SORCS1: variants seen among roughly 807,000 people sequenced by gnomAD.
SORCS1 encodes VPS10 domain-containing receptor SorCS1.
In SORCS1, 60 loss-of-function variants were observed where a neutral mutation model predicts 146.1. The ratio of observed to expected loss-of-function variants is 0.41; its 90% CI spans 0.33 to 0.51. The LOEUF (loss-of-function observed/expected upper bound fraction) is 0.51. SORCS1 is among the 20% of genes least tolerant of loss of function. The pLI is 0.21. For synonymous variants in SORCS1, 637 were observed against 584.0 expected, an observed-to-expected ratio of 1.09 and a Z score of -1.31; for missense variants, 1,352 against 1,487.6, an observed-to-expected ratio of 0.91 and a Z score of 1.50.
chr10:107,116,448 A>G lies in SORCS1; in HGVS notation c.558+47521T>C, dbSNP rs368998603. 4.6e-5 allele frequency among the ~76,000 whole-genome samples: 7 copies of G among 152,168 alleles called. No individual in the cohort carries two copies. The South Asian group carries it at 1.4e-3, about 31-fold the overall frequency. ...AATGTATTATACATAATGTACACAC[A>G]CACATACATACGTACATACACAAGC... On this transcript the variant is annotated intron_variant, in intron 1 of 25. Coordinates refer to ENST00000263054, the MANE Select transcript of SORCS1 (RefSeq NM_052918.5).
intron 3 of SORCS1, among the ~76,000 whole-genome samples, chr10:106,779,225 A>T (rs1425493706): frequency 2.0e-5 from 3 of 152,194 alleles, no homozygotes; most frequent in African/African-American, 7.2e-5. Context: ...GGGAAATAGA[A>T]ATTTCCCGGT....
chr10:106,879,396 T>C (rs1950729507), intron 2 of SORCS1, among the ~76,000 whole-genome samples: 1 of 152,214 alleles, frequency 6.6e-6, no homozygotes, highest in Non-Finnish European at 1.5e-5. Context: ...TATCTCTACA[T>C]TGTATTACAG....
chr10:106,699,489 G>T, intron 8 of SORCS1, 96 bp from the exon 9 acceptor site: 2 of 1,064,318 alleles, frequency 1.9e-6, no homozygotes, highest in Non-Finnish European at 2.6e-6. Flanking sequence ...AGGAATACCA[G>T]AATGAGCACT....
intron 1 of SORCS1, among the ~76,000 whole-genome samples, chr10:107,117,150 C>T (rs1055552046): frequency 6.6e-6 from 1 of 152,006 alleles, no homozygotes; most frequent in African/African-American, 2.4e-5. Context: ...AAAAGCATGG[C>T]CAATTGCCTA....
At chr10:107,038,696 C>CGGGGGGGGGGGGGGGG (rs58516423) in intron 1 of SORCS1, among the ~76,000 whole-genome samples, 1 of 149,886 alleles carries the variant, frequency 6.7e-6, no homozygotes, top group African/African-American at 2.5e-5. Context: ...GGGCAGGGGG[C>CGGGGGGGGGGGGGGGG]GGGGGGGGAG....
At chr10:106,958,794 G>T (rs74152280) in intron 1 of SORCS1, among the ~76,000 whole-genome samples, 1 of 152,126 alleles carries the variant, frequency 6.6e-6, no homozygotes, top group Non-Finnish European at 1.5e-5. Flanking sequence ...CAATTAAGTC[G>T]CTCTCAGTGC....
At chr10:106,995,174 C>T (rs1232347865) in intron 1 of SORCS1, among the ~76,000 whole-genome samples, 3 of 151,838 alleles carry the variant, frequency 2.0e-5, no homozygotes, top group African/African-American at 4.8e-5. Flanking sequence ...ATTAGCTGGG[C>T]GTGGTGGCGG....
At chr10:106,585,398 T>G (rs1845169696) in intron 24 of SORCS1, among the ~76,000 whole-genome samples, 1 of 152,132 alleles carries the variant, frequency 6.6e-6, no homozygotes, top group African/African-American at 2.4e-5. Context: ...GACTTTTATA[T>G]TTTCTGGATC....
At chr10:106,850,322 A>G (rs1338370273) in intron 2 of SORCS1, among the ~76,000 whole-genome samples, 2 of 151,950 alleles carry the variant, frequency 1.3e-5, no homozygotes, top group African/African-American at 4.8e-5. Flanking sequence ...GAAAAGCGCA[A>G]TATTCGGGTG....
In SORCS1 at chr10:107,018,210, C is replaced by T. The variant is rs543428697; in HGVS notation, c.559-61630G>A. Among the ~76,000 whole-genome samples, 6 of 151,578 alleles carry T rather than the reference C, an allele frequency of 4.0e-5. No individual in the cohort carries two copies. In the East Asian group the frequency reaches 7.8e-4, roughly 20 times the overall value. On this transcript the variant is annotated intron_variant, in intron 1 of 25. Coordinates refer to ENST00000263054, the MANE Select transcript of SORCS1 (RefSeq NM_052918.5). ...TTTTTTCGGAGACGGAGTCCCGCTC[C>T]GTCGCCCAGGCTGGAGTGCAGTGGC...
At chr10:106,889,715 C>T (rs777810766) in intron 2 of SORCS1, among the ~76,000 whole-genome samples, 11 of 151,904 alleles carry the variant, frequency 7.2e-5, no homozygotes, top group Admixed American at 2.6e-4. Flanking sequence ...CTTGCTAACA[C>T]GGTAAAACCC....
chr10:106,809,058 A>G lies in SORCS1; in HGVS notation c.726+20516T>C, dbSNP rs746198023. Among the ~76,000 whole-genome samples the G allele has an allele frequency of 1.8e-4, 28 of 152,302 alleles. No individual in the cohort carries two copies. In the East Asian group the frequency reaches 4.8e-3, roughly 26 times the overall value. Reference sequence around the variant, plus strand: ...TAAAGTAAACAAGACATGGGATTCAAGCCAAGTCATCAGACTCAGATTCAG... The same window carrying G: ...TAAAGTAAACAAGACATGGGATTCAGGCCAAGTCATCAGACTCAGATTCAG... On this transcript the variant is annotated intron_variant, in intron 3 of 25. Transcript: ENST00000263054.
intron 2 of SORCS1, among the ~76,000 whole-genome samples, chr10:106,887,761 T>C (rs939112402): frequency 6.6e-6 from 1 of 152,212 alleles, no homozygotes; most frequent in Non-Finnish European, 1.5e-5. Context: ...GGAAATTTGC[T>C]TTCTTAAGCT....
chr10:106,597,872 A>G (rs1845997599), intron 23 of SORCS1, among the ~76,000 whole-genome samples: 1 of 152,200 alleles, frequency 6.6e-6, no homozygotes, highest in South Asian at 2.1e-4. Context: ...TTCACAAAAC[A>G]CTTTATGAAT....
In SORCS1 at chr10:107,022,806, A is replaced by G. The variant is rs190617450; in HGVS notation, c.559-66226T>C. 1.2e-4 allele frequency among the ~76,000 whole-genome samples: 18 copies of G among 152,304 alleles called. 1 individual carries two copies. Among genetic ancestry groups the G allele is most frequent in the Non-Finnish European group, 2.9e-5 (2 of 68,026 alleles). On this transcript the variant is annotated intron_variant, in intron 1 of 25. Coordinates refer to ENST00000263054, the MANE Select transcript of SORCS1 (RefSeq NM_052918.5). Reference sequence around the variant, plus strand: ...GGGTTTAGGGTAAAGAAAGCACTTGAATTGCTTGTTAAAATGTGGATTTCT... The same window carrying G: ...GGGTTTAGGGTAAAGAAAGCACTTGGATTGCTTGTTAAAATGTGGATTTCT...
At chr10:106,997,485 A>G (rs1437142249) in intron 1 of SORCS1, among the ~76,000 whole-genome samples, 1 of 152,162 alleles carries the variant, frequency 6.6e-6, no homozygotes, top group Non-Finnish European at 1.5e-5. Flanking sequence ...TCCCCAACTC[A>G]GCCCCCAGTA....
chr10:106,766,197 T>C (rs1859559084), intron 4 of SORCS1, among the ~76,000 whole-genome samples: 1 of 152,186 alleles, frequency 6.6e-6, no homozygotes, highest in Admixed American at 6.5e-5. Flanking sequence ...TTCTCTCCTC[T>C]TAACATTTTG....
chr10:106,698,677 G>A (rs1853893094), intron 9 of SORCS1, among the ~76,000 whole-genome samples: 1 of 152,100 alleles, frequency 6.6e-6, no homozygotes, highest in African/African-American at 2.4e-5. Context: ...TTATTTTTCT[G>A]GATTTAGGAG....
chr10:107,092,725 A>G (rs1439721060), intron 1 of SORCS1, among the ~76,000 whole-genome samples: 1 of 152,136 alleles, frequency 6.6e-6, no homozygotes, highest in African/African-American at 2.4e-5. Context: ...GATGCCAAGT[A>G]TATCTTTTTG....
Sources: allele counts gnomAD v4.1 joint callset (sites outside exome capture counted in the v4.1 genomes callset), GRCh38; gene constraint gnomAD v4.1.1; transcripts MANE v1.5; gene names NCBI Gene and HGNC (gene_info 2026-07-23, HGNC 2026-07-21).